The following FRMD3 variants were observed in gnomAD, a reference collection of about 807,000 sequenced individuals.
FRMD3 encodes the protein FERM domain-containing protein 3.
FRMD3 carries 33 observed loss-of-function variants against 70.2 expected under a neutral mutation model. The ratio of observed to expected loss-of-function variants is 0.47; its 90% CI spans 0.36 to 0.63. FRMD3 has a LOEUF of 0.63. Among genes scored for constraint, FRMD3 ranks in the 20% least tolerant of loss-of-function variants. The pLI is 0.00. For synonymous variants in FRMD3, 279 were observed against 255.9 expected, an observed-to-expected ratio of 1.09 and a Z score of -0.86; for missense variants, 632 against 711.4, an observed-to-expected ratio of 0.89 and a Z score of 1.27.
intron 1 of FRMD3, among the ~76,000 whole-genome samples, chr9:83,474,551 G>A (rs1208399457): frequency 6.6e-6 from 1 of 152,164 alleles, no homozygotes; most frequent in East Asian, 1.9e-4. Context: ...GCACTGTGAT[G>A]AATCAAAAGC....
intron 1 of FRMD3, among the ~76,000 whole-genome samples, chr9:83,508,553 C>T (rs1480754161): frequency 6.6e-6 from 1 of 152,134 alleles, no homozygotes. Flanking sequence ...ACCTTGTGTC[C>T]TTCTACTCTG....
At chr9:83,267,206 C>T in intron 13 of FRMD3, 1 of 1,548,998 alleles carries the variant, frequency 6.5e-7, no homozygotes, top group East Asian at 2.4e-5. Flanking sequence ...CCTAACAGTC[C>T]ATTCTGTTTT....
At chr9:83,294,741 C>T (rs1834590750) in intron 12 of FRMD3, among the ~76,000 whole-genome samples, 1 of 152,158 alleles carries the variant, frequency 6.6e-6, no homozygotes, top group South Asian at 2.1e-4. Context: ...TAATCTGATT[C>T]CTGGTCCAAG....
intron 1 of FRMD3, among the ~76,000 whole-genome samples, chr9:83,517,571 A>T (rs901050799): frequency 6.6e-6 from 1 of 150,848 alleles, no homozygotes; most frequent in Admixed American, 6.6e-5. Context: ...TACAAAAAGC[A>T]CCCGGTACCA....
rs1284109909 is a variant in FRMD3, at chr9:83,335,631, C to T, written c.481G>A (p.Gly161Ser). The change falls in exon 6 of 14, where the codon GGT becomes AGT. Residue 161 changes from glycine to serine, a missense_variant. Gly to Ser is a moderately conservative substitution (Grantham distance 56). Transcript: ENST00000304195. The stretch of plus-strand genomic sequence containing the variant: ...GGATGCTCATCAGGATCGTAATCAC[C>T]AAGCTCAGCTGTAATGAGTGAAAAA... ...LGACIVQAEL[G>S]DYDPDEHPEN... The T allele has an allele frequency of 1.9e-6, 3 of 1,612,772 alleles. No homozygotes were observed. The highest frequency in any genetic ancestry group is 2.5e-6 in the Non-Finnish European group (3 of 1,179,296).
At chr9:83,470,318 G>A (rs1304520689) in intron 1 of FRMD3, among the ~76,000 whole-genome samples, 1 of 152,110 alleles carries the variant, frequency 6.6e-6, no homozygotes, top group Non-Finnish European at 1.5e-5. Context: ...TGGCTTACAC[G>A]CTGAACTTAG....
chr9:83,488,712 G>A (rs1451702153), intron 1 of FRMD3, among the ~76,000 whole-genome samples: 3 of 152,184 alleles, frequency 2.0e-5, no homozygotes, highest in Admixed American at 2.0e-4. Context: ...CAGGGACCTT[G>A]TCTCATTCAT....
At chr9:83,466,400 G>C (rs760250233) in intron 1 of FRMD3, among the ~76,000 whole-genome samples, 1 of 152,200 alleles carries the variant, frequency 6.6e-6, no homozygotes, top group Non-Finnish European at 1.5e-5. Context: ...AATTTCTGCT[G>C]TAAACAGAAA....
intron 1 of FRMD3, among the ~76,000 whole-genome samples, chr9:83,402,903 T>C (rs1045863420): frequency 5.3e-5 from 7 of 132,254 alleles, no homozygotes; most frequent in African/African-American, 1.9e-4. Flanking sequence ...TCTTTCTTTT[T>C]TTTTTTTTTT....
At chr9:83,545,596 A>T in the FRMD3 span, among the ~76,000 whole-genome samples, 3 of 151,934 alleles carry the variant, frequency 2.0e-5, no homozygotes, top group Non-Finnish European at 4.4e-5. Flanking sequence ...TGACCTCGTG[A>T]TCTGCCCCCC....
Position 83,343,295 on chromosome 9 carries a change from A to G in FRMD3, c.375-8T>C, listed in dbSNP as rs966853036. 2 of 1,584,606 alleles carry G rather than the reference A, an allele frequency of 1.3e-6. No homozygotes were observed. Among genetic ancestry groups the G allele is most frequent in the Admixed American group, 3.3e-5 (2 of 59,990 alleles). On this transcript the variant is annotated splice_polypyrimidine_tract_variant and splice_region_variant and intron_variant, in intron 4 of 13. Coordinates refer to ENST00000304195, the MANE Select transcript of FRMD3 (RefSeq NM_174938.6). Reference sequence around the variant, plus strand: ...TGAAGGTATAAAAGGTATCTGCAATACAAAAGGAGAAATGGTCACTCTAAC... The same window carrying G: ...TGAAGGTATAAAAGGTATCTGCAATGCAAAAGGAGAAATGGTCACTCTAAC...
chr9:83,275,077 A>G (rs531386679), intron 13 of FRMD3, among the ~76,000 whole-genome samples: 37 of 152,182 alleles, frequency 2.4e-4, no homozygotes, highest in Non-Finnish European at 4.1e-4. Flanking sequence ...GTGGAGTTGT[A>G]AACATATTAA....
intron 3 of FRMD3, among the ~76,000 whole-genome samples, chr9:83,352,018 GTAGA>G (rs774142215): frequency 3.9e-5 from 6 of 152,256 alleles, no homozygotes; most frequent in Admixed American, 2.0e-4. Context: ...CTCCAGGACA[GTAGA>G]TAGAGATCTC....
chr9:83,452,323 G>A (rs1243817456), intron 1 of FRMD3, among the ~76,000 whole-genome samples: 2 of 152,178 alleles, frequency 1.3e-5, no homozygotes, highest in African/African-American at 4.8e-5. Flanking sequence ...GCCCATGTGT[G>A]AGGTGTGCCT....
intron 1 of FRMD3, among the ~76,000 whole-genome samples, chr9:83,449,880 G>A (rs149183108): frequency 2.3e-4 from 35 of 152,278 alleles, no homozygotes; most frequent in Non-Finnish European, 4.9e-4. Flanking sequence ...ACTGTACCCT[G>A]TAATGTATGG....
chr9:83,444,329 C>T (rs534940664), intron 1 of FRMD3, among the ~76,000 whole-genome samples: 1 of 152,324 alleles, frequency 6.6e-6, no homozygotes, highest in South Asian at 2.1e-4. Context: ...CACATAAAAC[C>T]AAGCTTAGGT....
intron 1 of FRMD3, among the ~76,000 whole-genome samples, chr9:83,510,417 A>G (rs1482719468): frequency 6.6e-6 from 1 of 152,192 alleles, no homozygotes; most frequent in African/African-American, 2.4e-5. Flanking sequence ...ATCCCTATGC[A>G]TGGCTGGCGG....
the FRMD3 span, among the ~76,000 whole-genome samples, chr9:83,555,526 C>A: frequency 2.0e-5 from 3 of 152,194 alleles, no homozygotes; most frequent in Non-Finnish European, 4.4e-5. Flanking sequence ...GCCTCCCCCT[C>A]CCCCTAGGAG....
chr9:83,549,260 C>T, the FRMD3 span, among the ~76,000 whole-genome samples: 2 of 152,146 alleles, frequency 1.3e-5, no homozygotes, highest in Non-Finnish European at 2.9e-5. Context: ...CAACTCCATC[C>T]ATATTCTTGT....
Sources: gnomAD v4.1 joint callset for allele counts (sites outside exome capture counted in the v4.1 genomes callset) on GRCh38, gnomAD v4.1.1 for gene constraint, MANE v1.5 for transcripts, NCBI Gene and HGNC (gene_info 2026-07-23, HGNC 2026-07-21) for gene names.